SUGCT: variants seen among roughly 807,000 people sequenced by gnomAD.
The protein encoded by SUGCT is succinyl-CoA:glutarate-CoA transferase.
Under a neutral mutation model 55.0 loss-of-function variants are expected in SUGCT, and 41 were observed. That is an observed-to-expected ratio of 0.74 (90% confidence interval 0.58 to 0.97). The LOEUF is 0.97. SUGCT is among the 50% of genes least tolerant of loss of function. The probability of loss-of-function intolerance (pLI) is 0.00; values close to 1 mark genes in which losing one functional copy is unlikely to be tolerated. For synonymous variants in SUGCT, 187 were observed against 200.4 expected, an observed-to-expected ratio of 0.93 and a Z score of 0.56; for missense variants, 568 against 547.8, an observed-to-expected ratio of 1.04 and a Z score of -0.37.
intron 8 of SUGCT, among the ~76,000 whole-genome samples, chr7:40,308,555 C>G (rs1246829054): frequency 6.6e-6 from 1 of 152,134 alleles, no homozygotes; most frequent in Non-Finnish European, 1.5e-5. Flanking sequence ...CCTGCAAGGA[C>G]CCATATGATA....
chr7:40,198,745 C>G (rs1319978819), intron 6 of SUGCT, among the ~76,000 whole-genome samples: 1 of 150,710 alleles, frequency 6.6e-6, no homozygotes, highest in Non-Finnish European at 1.5e-5. Flanking sequence ...GACTGTAATC[C>G]CAACACTTTG....
intron 13 of SUGCT, among the ~76,000 whole-genome samples, chr7:40,768,343 G>T (rs762284100): frequency 1.9e-4 from 29 of 152,194 alleles, no homozygotes; most frequent in Admixed American, 2.0e-4. Flanking sequence ...TGTGTCCCTG[G>T]AAAAGTTCTT....
intron 12 of SUGCT, among the ~76,000 whole-genome samples, chr7:40,510,038 T>A (rs375230094): frequency 3.3e-5 from 5 of 152,270 alleles, no homozygotes; most frequent in Admixed American, 6.5e-5. Context: ...GTTTAGATAT[T>A]TTGTAAGTAC....
chr7:40,513,277 T>A (rs1793042939), intron 12 of SUGCT, among the ~76,000 whole-genome samples: 1 of 152,130 alleles, frequency 6.6e-6, no homozygotes, highest in African/African-American at 2.4e-5. Flanking sequence ...ATTCTGATAA[T>A]AATCAAGCTA....
chr7:40,693,382 C>T (rs1784779453), intron 12 of SUGCT, among the ~76,000 whole-genome samples: 1 of 152,196 alleles, frequency 6.6e-6, no homozygotes, highest in African/African-American at 2.4e-5. Context: ...AGCACACTTT[C>T]AGGTGCTATT....
intron 6 of SUGCT, among the ~76,000 whole-genome samples, chr7:40,195,380 G>A (rs994656827): frequency 1.3e-5 from 2 of 151,456 alleles, no homozygotes; most frequent in African/African-American, 2.4e-5. Context: ...GCGCCACCAC[G>A]CCCAGCTAAT....
intron 12 of SUGCT, among the ~76,000 whole-genome samples, chr7:40,629,906 G>C (rs1799707943): frequency 6.6e-6 from 1 of 152,174 alleles, no homozygotes; most frequent in Non-Finnish European, 1.5e-5. Flanking sequence ...GAGTTGCAGT[G>C]AGAAGCTACA....
intron 12 of SUGCT, among the ~76,000 whole-genome samples, chr7:40,685,133 A>C (rs1279774504): frequency 6.6e-6 from 1 of 152,164 alleles, no homozygotes; most frequent in African/African-American, 2.4e-5. Flanking sequence ...CTGGGATTAC[A>C]GGTGTGAGCC....
At chr7:40,482,733 A>G in intron 11 of SUGCT, among the ~76,000 whole-genome samples, 1 of 152,350 alleles carries the variant, frequency 6.6e-6, no homozygotes, top group South Asian at 2.1e-4. Context: ...CATTTTATTC[A>G]GAATCTTTAC....
rs1785160918 is a variant in SUGCT, at chr7:40,180,943, C to A, written c.101-4C>A. 1 of 1,600,554 alleles carries A rather than the reference C, an allele frequency of 6.2e-7. No homozygotes were observed. The highest frequency in any genetic ancestry group is 8.6e-7 in the Non-Finnish European group (1 of 1,168,966). Reference sequence around the variant, plus strand: ...ATCTTGAAATGTTTTCTCTGTTTTGCCAGATATGAACAATATAAAGCCATT... The same window carrying A: ...ATCTTGAAATGTTTTCTCTGTTTTGACAGATATGAACAATATAAAGCCATT... On this transcript the variant is annotated splice_polypyrimidine_tract_variant and splice_region_variant and intron_variant, in intron 1 of 13. Coordinates refer to ENST00000335693, the MANE Select transcript of SUGCT (RefSeq NM_001193313.2).
intron 12 of SUGCT, among the ~76,000 whole-genome samples, chr7:40,698,742 ACTT>A (rs1423131598): frequency 2.6e-5 from 4 of 152,226 alleles, no homozygotes; most frequent in African/African-American, 9.6e-5. Flanking sequence ...AGTTAAAAAT[ACTT>A]CCAACAGTTT....
chr7:40,280,352 T>C (rs1562641730), intron 8 of SUGCT, among the ~76,000 whole-genome samples: 1 of 152,198 alleles, frequency 6.6e-6, no homozygotes, highest in Non-Finnish European at 1.5e-5. Context: ...TTAGATGATA[T>C]TGGTAAATAA....
chr7:40,910,918 G>A, the SUGCT span, among the ~76,000 whole-genome samples: 1 of 152,112 alleles, frequency 6.6e-6, no homozygotes, highest in Non-Finnish European at 1.5e-5. Flanking sequence ...ATTTTTGATT[G>A]GTTTGTTAGT....
chr7:40,144,880 T>C (rs1031453836), intron 1 of SUGCT, among the ~76,000 whole-genome samples: 1 of 152,198 alleles, frequency 6.6e-6, no homozygotes, highest in African/African-American at 2.4e-5. Context: ...TTCACCTTTA[T>C]ATTAGTGTGC....
chr7:40,409,106 C>T (rs904983706), intron 9 of SUGCT, among the ~76,000 whole-genome samples: 14 of 151,534 alleles, frequency 9.2e-5, no homozygotes, highest in Non-Finnish European at 1.6e-4. Flanking sequence ...AGGCGCAAGC[C>T]ACTGCACCTG....
In SUGCT at chr7:40,530,705, G is replaced by C. The variant is rs574558163; in HGVS notation, c.1089+34319G>C. On this transcript the variant is annotated intron_variant, in intron 12 of 13. Transcript: ENST00000335693. ...GTTCTGAAACTTAAATGACACAAAT[G>C]AAGTCACATCATTGTGATCAGTGAA... 2.6e-5 allele frequency among the ~76,000 whole-genome samples: 4 copies of C among 152,300 alleles called. No homozygotes were observed. The East Asian group carries it at 7.7e-4, about 29-fold the overall frequency.
chr7:40,567,838 A>G (rs547192458), intron 12 of SUGCT, among the ~76,000 whole-genome samples: 48 of 152,370 alleles, frequency 3.2e-4, no homozygotes, highest in Middle Eastern at 6.8e-3. Flanking sequence ...AATTTAAAAT[A>G]GCAAAAGAAA....
intron 7 of SUGCT, among the ~76,000 whole-genome samples, chr7:40,267,570 C>A (rs1358220692): frequency 6.6e-6 from 1 of 152,098 alleles, no homozygotes; most frequent in Non-Finnish European, 1.5e-5. Context: ...GACAATACCA[C>A]CCCATTCATC....
intron 9 of SUGCT, among the ~76,000 whole-genome samples, chr7:40,340,119 T>A (rs757115414): frequency 6.6e-6 from 1 of 152,122 alleles, no homozygotes; most frequent in African/African-American, 2.4e-5. Flanking sequence ...TGAAATTACA[T>A]TGGGAACACT....
Sources: allele counts gnomAD v4.1 joint callset (sites outside exome capture counted in the v4.1 genomes callset), GRCh38; gene constraint gnomAD v4.1.1; transcripts MANE v1.5; gene names NCBI Gene and HGNC (gene_info 2026-07-23, HGNC 2026-07-21).